Variants in CHPT1 observed in about 807,000 individuals in gnomAD.
The protein encoded by CHPT1 is choline phosphotransferase 1.
In CHPT1, 36 loss-of-function variants were observed where a neutral mutation model predicts 47.6. That is an observed-to-expected ratio of 0.76 (90% CI 0.58 to 1.00). The LOEUF is 1.00. Ranked by LOEUF, CHPT1 falls within the 50% of genes least tolerant of loss-of-function variation. The pLI is 0.00. For synonymous variants in CHPT1, 194 were observed against 186.3 expected (o/e 1.04, Z -0.33); for missense variants, 458 against 498.1 (o/e 0.92, Z 0.77).
intron 8 of CHPT1, chr12:101,726,876 A>AGTT (rs1951956959): frequency 6.5e-6 from 1 of 152,972 alleles, no homozygotes; most frequent in South Asian, 2.2e-4. Context: ...TATTGAATCA[A>AGTT]GTTATGTTCT....
intron 1 of CHPT1, among the ~76,000 whole-genome samples, chr12:101,701,824 A>G (rs1016787272): frequency 1.3e-5 from 2 of 152,254 alleles, no homozygotes; most frequent in African/African-American, 4.8e-5. Flanking sequence ...TATTGGCTGC[A>G]GGAATGAAAT....
chr12:101,713,382 T>G (rs755340589), intron 1 of CHPT1, among the ~76,000 whole-genome samples: 1 of 152,218 alleles, frequency 6.6e-6, no homozygotes, highest in Non-Finnish European at 1.5e-5. Flanking sequence ...CCTCTCTCTG[T>G]GCAGCTCTGT....
intron 1 of CHPT1, among the ~76,000 whole-genome samples, chr12:101,706,653 C>T (rs11110972): frequency 0.1 from 15,133 of 152,086 alleles, 885 homozygotes; most frequent in Middle Eastern, 0.2. Context: ...GAACCATGAG[C>T]CAAATAAGTC....
rs1465835206 is a variant in CHPT1 at position 101,723,866 on chromosome 12, T to G, written c.1065+19T>G. ...GGCAATGGTAAGTATTTTTCTCCAT[T>G]TTATTTATTTTTTAACAATGCTTAA... On this transcript the variant is annotated intron_variant, in intron 7 of 8. Coordinates refer to ENST00000229266, the MANE Select transcript of CHPT1 (RefSeq NM_020244.3). 6.8e-7 allele frequency: 1 copy of G among 1,465,932 alleles called. No individual in the cohort carries two copies. The highest frequency in any genetic ancestry group is 9.4e-7 in the Non-Finnish European group (1 of 1,060,788). 90.8% of individuals were successfully genotyped at this position (1,465,932 alleles called of 1,614,324 possible).
At chr12:101,699,531 G>C (rs1295006277) in intron 1 of CHPT1, among the ~76,000 whole-genome samples, 6 of 151,746 alleles carry the variant, frequency 4.0e-5, no homozygotes, top group Non-Finnish European at 8.8e-5. Flanking sequence ...GGGACTACAC[G>C]TGCCTGCCAC....
At position 101,723,159 on chromosome 12, in the gene CHPT1, A is replaced by G; in HGVS notation, c.781-9A>G. Reference sequence around the variant, plus strand: ...AAATGTGATACTGATTTTCTGCTTTATCCCTTAGGGCACCAGTGTCTTGTC... The same window carrying G: ...AAATGTGATACTGATTTTCTGCTTTGTCCCTTAGGGCACCAGTGTCTTGTC... On this transcript the variant is annotated splice_polypyrimidine_tract_variant and intron_variant, in intron 5 of 8. Coordinates refer to ENST00000229266, the MANE Select transcript of CHPT1 (RefSeq NM_020244.3). The G allele has an allele frequency of 6.2e-7, 1 of 1,608,452 alleles. No homozygotes were observed. Among genetic ancestry groups the G allele is most frequent in the South Asian group, 1.1e-5 (1 of 90,386 alleles).
intron 4 of CHPT1, 51 bp from the exon 5 acceptor site, chr12:101,720,072 A>C (rs766046295): frequency 7.0e-7 from 1 of 1,426,130 alleles, no homozygotes; most frequent in Non-Finnish European, 9.5e-7. Context: ...ATTATTTAAT[A>C]AAAAACCAAA....
intron 4 of CHPT1, among the ~76,000 whole-genome samples, chr12:101,719,294 G>A (rs183454188): frequency 1.1e-4 from 16 of 151,866 alleles, no homozygotes; most frequent in African/African-American, 2.2e-4. Context: ...TGGCAATATC[G>A]TAGGAAGAAA....
intron 1 of CHPT1, among the ~76,000 whole-genome samples, chr12:101,705,243 A>T (rs1951614796): frequency 8.5e-6 from 1 of 118,066 alleles, no homozygotes; most frequent in Non-Finnish European, 1.7e-5. Context: ...TTGTGTTTTT[A>T]GTAGAGATGG....
chr12:101,702,583 A>T (rs1037971766), intron 1 of CHPT1, among the ~76,000 whole-genome samples: 9 of 152,116 alleles, frequency 5.9e-5, no homozygotes, highest in Admixed American at 3.9e-4. Context: ...TACATATTAT[A>T]GAGTTATTTT....
At chr12:101,706,824 A>T (rs1419204578) in intron 1 of CHPT1, among the ~76,000 whole-genome samples, 1 of 152,240 alleles carries the variant, frequency 6.6e-6, no homozygotes, top group Non-Finnish European at 1.5e-5. Flanking sequence ...ACTTTCATTA[A>T]CTAAAGATGA....
chr12:101,721,446 A>T (rs992777947), intron 5 of CHPT1, among the ~76,000 whole-genome samples: 1 of 152,218 alleles, frequency 6.6e-6, no homozygotes, highest in African/African-American at 2.4e-5. Context: ...AGTAAAAAAA[A>T]GTCTCATTCT....
At chr12:101,716,699 C>A (rs771921270) in intron 3 of CHPT1, 29 bp from the exon 4 acceptor site, 1 of 1,427,386 alleles carries the variant, frequency 7.0e-7, no homozygotes, top group South Asian at 1.2e-5. Flanking sequence ...TTACAAACAC[C>A]TTATCTATTC....
chr12:101,716,838 T>C, intron 4 of CHPT1, 26 bp downstream of exon 4: 1 of 1,341,794 alleles, frequency 7.5e-7, no homozygotes, highest in Non-Finnish European at 1.0e-6. Context: ...TAAATTTATA[T>C]TTAAGTACTT....
intron 8 of CHPT1, 35 bp downstream of exon 8, chr12:101,726,439 G>A: frequency 6.2e-7 from 1 of 1,606,356 alleles, no homozygotes; most frequent in Non-Finnish European, 8.5e-7. Context: ...ATAGCCCAAG[G>A]AAAAGAGGAG....
intron 1 of CHPT1, among the ~76,000 whole-genome samples, chr12:101,713,186 G>A (rs1951718016): frequency 6.7e-6 from 1 of 148,406 alleles, no homozygotes; most frequent in South Asian, 2.1e-4. Context: ...TATTAATGAG[G>A]CTTTCTGCTT....
intron 1 of CHPT1, among the ~76,000 whole-genome samples, chr12:101,708,195 A>G (rs1420577675): frequency 6.6e-6 from 1 of 152,228 alleles, no homozygotes; most frequent in East Asian, 1.9e-4. Context: ...TAAAATCATA[A>G]TTTAGTTTTA....
At position 101,726,331 on chromosome 12, in the gene CHPT1, C is replaced by T; in HGVS notation, c.1103C>T (p.Ala368Val). 1 of 1,612,740 alleles carries T rather than the reference C, an allele frequency of 6.2e-7. No homozygotes were observed. ...TTTGATATGGTGATATACTTTAGTG[C>T]TTTGTGCCTGCAAATTTCAAGACAC... ...SSFDMVIYFSALCLQISRHLH... is the reference protein window; with the variant it reads ...SSFDMVIYFSVLCLQISRHLH... Residue 368 changes from alanine (A) to valine (V), a missense_variant, in exon 8 of 9, where the codon GCT (alanine) becomes GTT (valine). Ala to Val is a moderately conservative substitution (Grantham distance 64). Coordinates refer to ENST00000229266, the MANE Select transcript of CHPT1 (RefSeq NM_020244.3).
At position 101,723,711 on chromosome 12, in the gene CHPT1, T is replaced by A; in HGVS notation, c.940-11T>A. The stretch of plus-strand genomic sequence containing the variant: ...TTAATAGTAAAATTATTTTGTTTAA[T>A]TTTTTTATAGGTAGCTCACATGACC... On this transcript the variant is annotated splice_polypyrimidine_tract_variant and intron_variant, in intron 6 of 8. Transcript: ENST00000229266. The A allele has an allele frequency of 6.8e-7, 1 of 1,461,234 alleles. No individual in the cohort carries two copies. Among genetic ancestry groups the A allele is most frequent in the Non-Finnish European group, 9.2e-7 (1 of 1,087,988 alleles). 90.5% of individuals were successfully genotyped at this position (1,461,234 alleles called of 1,614,324 possible).
Sources: allele counts gnomAD v4.1 joint callset (sites outside exome capture counted in the v4.1 genomes callset), GRCh38; gene constraint gnomAD v4.1.1; transcripts MANE v1.5; gene names NCBI Gene and HGNC (gene_info 2026-07-23, HGNC 2026-07-21).